CCNK: variants seen among roughly 807,000 people sequenced by gnomAD.
The protein encoded by CCNK is cyclin K, also known as cyclin-K.
In CCNK, 9 loss-of-function variants were observed where a neutral mutation model predicts 65.0. The observed-to-expected ratio is 0.14, with a 90% CI of 0.08 to 0.24. CCNK has a LOEUF of 0.24. Ranked by LOEUF, CCNK falls within the 10% of genes least tolerant of loss-of-function variation. The pLI, the probability that CCNK is intolerant of heterozygous loss-of-function variation, is 1.00. For synonymous variants in CCNK, 279 were observed against 270.8 expected (o/e 1.03, Z -0.30); for missense variants, 474 against 720.0 (o/e 0.66, Z 3.91).
In CCNK at chr14:99,492,642, G is replaced by T. The variant is rs1423611224; in HGVS notation, c.-36G>T. 9 of 1,546,394 alleles carry T rather than the reference G, an allele frequency of 5.8e-6. No homozygotes were observed. Among genetic ancestry groups the T allele is most frequent in the South Asian group, 1.2e-5 (1 of 81,916 alleles). ...TTCTCATAGGATTCTAACATTTTCA[G>T]AGAACCTTTTGGAAAGAACAAGCCT... On this transcript the variant is annotated 5_prime_UTR_variant, in exon 2 of 11. Transcript: ENST00000389879.
At chr14:99,502,596 G>A in intron 7 of CCNK, 123 bp from the exon 8 acceptor site, 1 of 1,205,992 alleles carries the variant, frequency 8.3e-7, no homozygotes, top group Non-Finnish European at 1.2e-6. Flanking sequence ...CGAAGATGGG[G>A]TGAGTTGTAA....
At chr14:99,500,935 A>C (rs919608443) in intron 5 of CCNK, 64 bp downstream of exon 5, 1 of 982,550 alleles carries the variant, frequency 1.0e-6, no homozygotes, top group African/African-American at 1.7e-5. Flanking sequence ...ATTTGATGAC[A>C]CTCAAATTAC....
intron 10 of CCNK, chr14:99,507,477 A>T (rs1897004193): frequency 3.5e-6 from 1 of 289,154 alleles, no homozygotes; most frequent in Non-Finnish European, 6.7e-6. Flanking sequence ...AGATGGGAAG[A>T]TCATTTGAGC....
At chr14:99,508,652 G>T in intron 10 of CCNK, 1 of 152,786 alleles carries the variant, frequency 6.5e-6, no homozygotes. Context: ...GGAGCAGTTT[G>T]GTGGCAGTGT....
Position 99,510,786 on chromosome 14 carries a change from G to A in CCNK, c.*4G>A. 1.4e-6 allele frequency: 2 copies of A among 1,429,824 alleles called. No individual in the cohort carries two copies. Among genetic ancestry groups the A allele is most frequent in the Admixed American group, 5.5e-5 (2 of 36,204 alleles). The allele number at this position is 1,429,824 out of a possible 1,614,324, so 88.6% of individuals were successfully genotyped here. A position where few individuals can be genotyped will look rare whatever the true frequency, so the allele number is the denominator to read the frequency against. On this transcript the variant is annotated 3_prime_UTR_variant, in exon 11 of 11. Transcript: ENST00000389879. ...GCGGGCAGCCTGGATGAGATAACGT[G>A]AGCCTTTTTTCCCTCTTTGTTTTTT...
Position 99,510,159 on chromosome 14 carries a change from C to G in CCNK, c.1120C>G (p.Arg374Gly). 1 of 1,595,310 alleles carries G rather than the reference C, an allele frequency of 6.3e-7. No individual in the cohort carries two copies. Among genetic ancestry groups the G allele is most frequent in the Non-Finnish European group, 8.5e-7 (1 of 1,174,598 alleles). Residue 374 changes from arginine (R) to glycine (G), a missense_variant and splice_region_variant, in exon 11 of 11, where the codon CGG (arginine) becomes GGG (glycine). By Grantham distance (125) the Arg-to-Gly change is moderately radical. Transcript: ENST00000389879. ...PLPPAHPPPDRKPPLAAALGE... is the reference protein window; with the variant it reads ...PLPPAHPPPDGKPPLAAALGE... ...ACTGATGCGTCTCTCTCCTGCAGACCGGAAGCCTCCCCTCGCTGCTGCCTT... is the reference window on the plus strand; with the variant it reads ...ACTGATGCGTCTCTCTCCTGCAGACGGGAAGCCTCCCCTCGCTGCTGCCTT...
chr14:99,495,104 T>G (rs1281032232), intron 3 of CCNK: 1 of 163,404 alleles, frequency 6.1e-6, no homozygotes, highest in African/African-American at 2.4e-5. Context: ...AAAGGAAGCA[T>G]GGGCAGTGCT....
chr14:99,508,015 C>T (rs527768379), intron 10 of CCNK: 5 of 152,342 alleles, frequency 3.3e-5, no homozygotes, highest in Non-Finnish European at 7.3e-5. Flanking sequence ...GTCGATACTC[C>T]GGAGGCTTCC....
intron 3 of CCNK, chr14:99,495,020 A>G (rs1896671137): frequency 6.5e-6 from 1 of 152,874 alleles, no homozygotes. Context: ...GGACATAAAC[A>G]TTCAGACCAT....
At chr14:99,499,044 T>A (rs3918078) in intron 4 of CCNK, among the ~76,000 whole-genome samples, 85 of 152,318 alleles carry the variant, frequency 5.6e-4, no homozygotes, top group African/African-American at 1.8e-3. Flanking sequence ...AAAATTGTTT[T>A]GTTTTGTTTT....
At chr14:99,485,667 G>T (rs1896466923) in intron 1 of CCNK, among the ~76,000 whole-genome samples, 1 of 152,028 alleles carries the variant, frequency 6.6e-6, no homozygotes, top group African/African-American at 2.4e-5. Context: ...ACTATTCCCT[G>T]TTACTCTCTT....
At chr14:99,495,108 C>CA (rs1456668220) in intron 3 of CCNK, 1 of 164,626 alleles carries the variant, frequency 6.1e-6, no homozygotes, top group Non-Finnish European at 1.3e-5. Flanking sequence ...GAAGCATGGG[C>CA]AGTGCTGCTG....
rs1172393068 is a variant in CCNK at position 99,502,891 on chromosome 14, C to A, written c.918C>A (p.Asp306Glu). The change falls in exon 8 of 11, where the codon GAC becomes GAA. Residue 306 changes from aspartate to glutamate, a missense_variant. Asp to Glu is a conservative substitution (Grantham distance 45). Coordinates refer to ENST00000389879, the MANE Select transcript of CCNK (RefSeq NM_001099402.2). ...AACCATCCCAGCCCCAGCAGAAGGA[C>A]CCCCAGCAACCAGCCCAGCAGCAGC... ...SSEPSQPQQK[D>E]PQQPAQQQQP... 3 of 1,613,342 alleles carry A rather than the reference C, an allele frequency of 1.9e-6. No individual in the cohort carries two copies. In the African/African-American group the frequency reaches 4.0e-5, roughly 22 times the overall value.
chr14:99,495,329 T>C (rs1896678540), intron 3 of CCNK, 169 bp from the exon 4 acceptor site: 4 of 387,648 alleles, frequency 1.0e-5, no homozygotes, highest in African/African-American at 4.2e-5. Context: ...GGGGGATTTA[T>C]ATGTATAAAA....
At chr14:99,508,513 A>C in intron 10 of CCNK, 1 of 152,712 alleles carries the variant, frequency 6.5e-6, no homozygotes, top group Non-Finnish European at 1.5e-5. Flanking sequence ...CACTGCCAGG[A>C]GGCCATGGCT....
chr14:99,503,643 A>T lies in CCNK; in HGVS notation c.1044A>T (p.Ala348=), dbSNP rs1438531422. The part of the protein sequence containing the change: ...VVSPKEENKA[A]EPPPPKIPKI... ...CTCCCAAAGAAGAGAACAAAGCAGC[A>T]GGTAATTTCCTGTTCTGATGTTTTT... Residue 348 remains alanine, a splice_region_variant and synonymous_variant, in exon 9 of 11, where the codon GCA becomes GCT. Coordinates refer to ENST00000389879, the MANE Select transcript of CCNK (RefSeq NM_001099402.2). The T allele has an allele frequency of 1.9e-6, 3 of 1,559,334 alleles. No homozygotes were observed. The African/African-American group carries it at 4.1e-5, about 21-fold the overall frequency.
intron 8 of CCNK, 28 bp from the exon 9 acceptor site, chr14:99,503,583 A>G: frequency 1.3e-6 from 2 of 1,546,582 alleles, no homozygotes; most frequent in Non-Finnish European, 1.8e-6. Flanking sequence ...GATCCCAGTT[A>G]ACAATTGTGT....
intron 4 of CCNK, chr14:99,500,192 T>G (rs1404450124): frequency 6.7e-6 from 1 of 149,552 alleles, no homozygotes; most frequent in Non-Finnish European, 1.5e-5. Context: ...TCAGTAAGTG[T>G]TGTTGGGATG....
chr14:99,485,508 G>T (rs1595302878), intron 1 of CCNK, among the ~76,000 whole-genome samples: 1 of 152,152 alleles, frequency 6.6e-6, no homozygotes, highest in African/African-American at 2.4e-5. Context: ...CTTTCTTGCT[G>T]TGCTTTTTAT....
Sources: allele counts gnomAD v4.1 joint callset (sites outside exome capture counted in the v4.1 genomes callset), GRCh38; gene constraint gnomAD v4.1.1; transcripts MANE v1.5; gene names NCBI Gene and HGNC (gene_info 2026-07-23, HGNC 2026-07-21).